Variants in CTNNA3 observed in about 807,000 individuals in gnomAD.
The protein encoded by CTNNA3 is catenin alpha-3.
Under a neutral mutation model 95.7 loss-of-function variants are expected in CTNNA3, and 76 were observed. The observed-to-expected ratio is 0.79, with a 90% confidence interval of 0.66 to 0.96. The LOEUF (loss-of-function observed/expected upper bound fraction) is 0.96. CTNNA3 is among the 40% of genes least tolerant of loss of function. The pLI is 0.00. For missense variants in CTNNA3, 1,191 were observed against 1,089.8 expected (o/e 1.09, Z -1.31); for synonymous variants, 431 against 374.4 (o/e 1.15, Z -1.74).
rs538787197 is a variant in CTNNA3 at position 67,731,429 on chromosome 10, C to T, written c.-2+32005G>A. 2.6e-5 allele frequency among the ~76,000 whole-genome samples: 4 copies of T among 152,046 alleles called. No individual in the cohort carries two copies. The South Asian group carries it at 8.3e-4, about 32-fold the overall frequency. On this transcript the variant is annotated intron_variant, in intron 1 of 17. Coordinates refer to the CTNNA3 transcript ENST00000684154. The stretch of plus-strand genomic sequence containing the variant: ...CTGGGAAGCGGAGGTTGCAGTGAGC[C>T]GAGATCGCACCACTGCACTCCAGCC...
chr10:66,003,168 G>A (rs576031335), intron 15 of CTNNA3, among the ~76,000 whole-genome samples: 1 of 152,258 alleles, frequency 6.6e-6, no homozygotes, highest in South Asian at 2.1e-4. Context: ...AAAATTACAT[G>A]AATTCTACTT....
At chr10:66,630,406 C>T (rs998338364) in intron 9 of CTNNA3, among the ~76,000 whole-genome samples, 2 of 152,176 alleles carry the variant, frequency 1.3e-5, no homozygotes, top group African/African-American at 4.8e-5. Flanking sequence ...CTTAACAAGG[C>T]TTGGGGGGCA....
chr10:67,053,456 T>G (rs1185199116), intron 7 of CTNNA3, among the ~76,000 whole-genome samples: 5 of 152,174 alleles, frequency 3.3e-5, no homozygotes, highest in Non-Finnish European at 7.4e-5. Flanking sequence ...TACTAAGAAT[T>G]TTAGATTATA....
intron 7 of CTNNA3, among the ~76,000 whole-genome samples, chr10:66,845,703 C>CAAAAA (rs61085873): frequency 3.0e-4 from 7 of 23,544 alleles, no homozygotes; most frequent in African/African-American, 7.2e-4. Context: ...AACTCTGTCT[C>CAAAAA]AAAAAAAAAA....
intron 7 of CTNNA3, among the ~76,000 whole-genome samples, chr10:67,084,049 A>C (rs1331607505): frequency 6.6e-6 from 1 of 152,146 alleles, no homozygotes; most frequent in African/African-American, 2.4e-5. Flanking sequence ...TTCAGGGAGA[A>C]GGTAGGATCA....
In CTNNA3 at chr10:66,714,549, T is replaced by C. The variant is rs139490436; in HGVS notation, c.1281+51715A>G. ...GCTTTGTTGCAGTAATCCCCTATCT[T>C]GTCTACTTTCTGTAGATTCATCTTT... On this transcript the variant is annotated intron_variant, in intron 9 of 17. Coordinates refer to ENST00000433211, the MANE Select transcript of CTNNA3 (RefSeq NM_013266.4). Among the ~76,000 whole-genome samples the C allele has an allele frequency of 2.8e-3, 428 of 152,274 alleles. 5 individuals carry two copies. Among genetic ancestry groups the C allele is most frequent in the African/African-American group, 9.6e-3 (398 of 41,558 alleles).
chr10:66,099,263 A>T (rs2081520012), intron 14 of CTNNA3, among the ~76,000 whole-genome samples: 1 of 152,126 alleles, frequency 6.6e-6, no homozygotes, highest in Non-Finnish European at 1.5e-5. Flanking sequence ...TCTCAACAGA[A>T]TCTCCTTCAA....
chr10:66,563,809 A>G (rs1842625096), intron 10 of CTNNA3, among the ~76,000 whole-genome samples: 1 of 152,114 alleles, frequency 6.6e-6, no homozygotes, highest in African/African-American at 2.4e-5. Flanking sequence ...AGACTAAGAC[A>G]TAAGTGACTA....
Position 66,443,066 on chromosome 10 carries a change from G to A in CTNNA3, c.1532-63714C>T, listed in dbSNP as rs542356265. 1.3e-4 allele frequency among the ~76,000 whole-genome samples: 20 copies of A among 152,200 alleles called. No homozygotes were observed. In the East Asian group the frequency reaches 2.1e-3, roughly 16 times the overall value. On this transcript the variant is annotated intron_variant, in intron 11 of 17. Transcript: ENST00000433211. ...ACAGAGTCTCACTGATTGCTAGCACGGCAGTCTGAGATCAAACTGCAAGGC... is the reference window on the plus strand; with the variant it reads ...ACAGAGTCTCACTGATTGCTAGCACAGCAGTCTGAGATCAAACTGCAAGGC...
chr10:66,999,748 G>A (rs1291017867), intron 7 of CTNNA3, among the ~76,000 whole-genome samples: 2 of 152,140 alleles, frequency 1.3e-5, no homozygotes, highest in Non-Finnish European at 2.9e-5. Context: ...CAATTTTACT[G>A]TATTTTATCA....
intron 7 of CTNNA3, among the ~76,000 whole-genome samples, chr10:66,853,884 A>T (rs550444884): frequency 9.9e-5 from 15 of 152,234 alleles, no homozygotes; most frequent in African/African-American, 2.9e-4. Context: ...AATGATTACA[A>T]GTTGTAGATC....
intron 7 of CTNNA3, among the ~76,000 whole-genome samples, chr10:66,994,957 A>G (rs747384824): frequency 7.9e-5 from 12 of 152,046 alleles, no homozygotes; most frequent in Non-Finnish European, 1.8e-4. Flanking sequence ...CCAAGATGGA[A>G]CTCTCCACAA....
Position 66,421,362 on chromosome 10 carries a change from T to C in CTNNA3, c.1532-42010A>G, listed in dbSNP as rs557149527. 8.6e-4 allele frequency among the ~76,000 whole-genome samples: 131 copies of C among 152,152 alleles called. 1 individual carries two copies. The highest frequency in any genetic ancestry group is 1.5e-3 in the Non-Finnish European group (105 of 68,032). ...TATTTTGACAGCAAAGTAGAGTGAC[T>C]ATGCTTTACAACAATATAATCTATA... is the stretch of plus-strand genomic sequence containing the variant. On this transcript the variant is annotated intron_variant, in intron 11 of 17. Coordinates refer to ENST00000433211, the MANE Select transcript of CTNNA3 (RefSeq NM_013266.4).
At chr10:67,471,085 G>A (rs1384955034) in intron 5 of CTNNA3, among the ~76,000 whole-genome samples, 1 of 152,010 alleles carries the variant, frequency 6.6e-6, no homozygotes, top group Non-Finnish European at 1.5e-5. Context: ...CCAAAGCACG[G>A]GGGGGTGGGG....
At chr10:67,232,059 A>G (rs1332223385) in intron 5 of CTNNA3, among the ~76,000 whole-genome samples, 2 of 152,120 alleles carry the variant, frequency 1.3e-5, no homozygotes, top group Non-Finnish European at 2.9e-5. Context: ...AGTGACGGGG[A>G]GAATGGAACC....
chr10:67,450,299 T>A (rs193217163), intron 5 of CTNNA3, among the ~76,000 whole-genome samples: 6 of 152,332 alleles, frequency 3.9e-5, no homozygotes, highest in African/African-American at 1.4e-4. Flanking sequence ...TTACTGGATA[T>A]ATGCCCAGAT....
chr10:66,471,083 G>A (rs955515961), intron 11 of CTNNA3, among the ~76,000 whole-genome samples: 7 of 151,802 alleles, frequency 4.6e-5, no homozygotes, highest in African/African-American at 9.7e-5. Context: ...AGGAAATGGC[G>A]TTGGAAATAT....
intron 10 of CTNNA3, among the ~76,000 whole-genome samples, chr10:66,584,340 G>C (rs917702329): frequency 7.9e-5 from 12 of 151,834 alleles, no homozygotes; most frequent in Admixed American, 7.2e-4. Context: ...GGTAGGAATT[G>C]CCTTATGAAT....
chr10:66,620,702 T>C (rs1261574225), intron 10 of CTNNA3, among the ~76,000 whole-genome samples: 1 of 152,142 alleles, frequency 6.6e-6, no homozygotes, highest in Non-Finnish European at 1.5e-5. Context: ...GTCCTCTAGA[T>C]CCCACTTTTC....
Sources: gnomAD v4.1 joint callset for allele counts (sites outside exome capture counted in the v4.1 genomes callset) on GRCh38, gnomAD v4.1.1 for gene constraint, MANE v1.5 for transcripts, NCBI Gene and HGNC (gene_info 2026-07-23, HGNC 2026-07-21) for gene names.